Variants in CTNNA3 observed in about 807,000 individuals in gnomAD.
CTNNA3 encodes catenin alpha 3, also known as catenin alpha-3.
A neutral mutation model predicts 95.7 loss-of-function variants in CTNNA3; 76 were observed. That is an observed-to-expected ratio of 0.79 (90% CI 0.66 to 0.96). CTNNA3 has a LOEUF of 0.96. Among genes scored for constraint, CTNNA3 ranks in the 40% least tolerant of loss-of-function variants. CTNNA3 has a pLI of 0.00. For synonymous variants in CTNNA3, 431 were observed against 374.4 expected (o/e 1.15, Z -1.74); for missense variants, 1,191 against 1,089.8 (o/e 1.09, Z -1.31).
intron 15 of CTNNA3, among the ~76,000 whole-genome samples, chr10:66,003,167 T>C (rs556292120): frequency 6.6e-6 from 1 of 152,342 alleles, no homozygotes; most frequent in Non-Finnish European, 1.5e-5. Context: ...AAAAATTACA[T>C]GAATTCTACT....
intron 7 of CTNNA3, among the ~76,000 whole-genome samples, chr10:67,081,724 T>C (rs1259226348): frequency 6.6e-6 from 1 of 152,194 alleles, no homozygotes; most frequent in Non-Finnish European, 1.5e-5. Flanking sequence ...CTCATGCCTC[T>C]GCACTTCTGC....
intron 17 of CTNNA3, among the ~76,000 whole-genome samples, chr10:65,930,238 G>A (rs1440838024): frequency 1.4e-5 from 2 of 142,282 alleles, no homozygotes; most frequent in Non-Finnish European, 3.0e-5. Context: ...AGAAACTACT[G>A]TAGGTGCTTC....
chr10:66,309,547 G>A (rs895811667), intron 12 of CTNNA3, among the ~76,000 whole-genome samples: 10 of 151,568 alleles, frequency 6.6e-5, no homozygotes, highest in Admixed American at 3.3e-4. Flanking sequence ...AATAATAGCC[G>A]GGCATGGTGG....
intron 11 of CTNNA3, among the ~76,000 whole-genome samples, chr10:66,405,608 A>G (rs2093051193): frequency 6.6e-6 from 1 of 152,126 alleles, no homozygotes; most frequent in Non-Finnish European, 1.5e-5. Context: ...ACTTGAAACC[A>G]CAAAAACATC....
chr10:67,159,386 C>T (rs187604713), intron 7 of CTNNA3, among the ~76,000 whole-genome samples: 23 of 152,244 alleles, frequency 1.5e-4, no homozygotes, highest in African/African-American at 5.5e-4. Flanking sequence ...GCGGCTCGTC[C>T]TGCTACAAAG....
rs1211185317 is a variant in CTNNA3 at position 66,199,799 on chromosome 10, A to T, written c.1884+80671T>A. Among the ~76,000 whole-genome samples, 10 of 13,834 alleles carry T rather than the reference A, an allele frequency of 7.2e-4. 1 individual carries two copies. Among genetic ancestry groups the T allele is most frequent in the South Asian group, 4.9e-3 (1 of 204 alleles). 9.1% of individuals were successfully genotyped at this position (13,834 alleles called of 152,430 possible). On this transcript the variant is annotated intron_variant, in intron 13 of 17. Coordinates refer to ENST00000433211, the MANE Select transcript of CTNNA3 (RefSeq NM_013266.4). ...TATATATATATATATATATATATATATATATATTTTTTTTTTTTTTTTTTT... is the reference window on the plus strand; with the variant it reads ...TATATATATATATATATATATATATTTATATATTTTTTTTTTTTTTTTTTT...
At chr10:66,233,857 A>T (rs1198638746) in intron 13 of CTNNA3, among the ~76,000 whole-genome samples, 1 of 152,222 alleles carries the variant, frequency 6.6e-6, no homozygotes, top group Non-Finnish European at 1.5e-5. Flanking sequence ...ATGTATAAGA[A>T]TGTTCATAGC....
chr10:66,895,914 C>CAAAA (rs869248195), intron 7 of CTNNA3, among the ~76,000 whole-genome samples: 29 of 79,980 alleles, frequency 3.6e-4, no homozygotes, highest in African/African-American at 4.8e-4. Flanking sequence ...CCTGTCTCTA[C>CAAAA]AAAAAAAAAA....
At chr10:67,070,198 T>C (rs1440264593) in intron 7 of CTNNA3, among the ~76,000 whole-genome samples, 1 of 152,244 alleles carries the variant, frequency 6.6e-6, no homozygotes, top group Non-Finnish European at 1.5e-5. Flanking sequence ...GGATATCCTC[T>C]TATGTGAAGT....
At chr10:66,902,833 A>C (rs1845812665) in intron 7 of CTNNA3, among the ~76,000 whole-genome samples, 1 of 152,340 alleles carries the variant, frequency 6.6e-6, no homozygotes, top group South Asian at 2.1e-4. Context: ...ACTAGGAAGA[A>C]GTTAAATCTC....
intron 5 of CTNNA3, among the ~76,000 whole-genome samples, chr10:67,443,979 T>C (rs542706878): frequency 5.3e-5 from 8 of 152,214 alleles, no homozygotes; most frequent in Non-Finnish European, 8.8e-5. Context: ...CATTTCAGAA[T>C]TGGACAGATC....
chr10:66,248,138 CATTT>C (rs1210310849), intron 13 of CTNNA3, among the ~76,000 whole-genome samples: 3 of 151,894 alleles, frequency 2.0e-5, no homozygotes, highest in Non-Finnish European at 4.4e-5. Context: ...GTTTTTTTCT[CATTT>C]GTTTGTTTAT....
intron 7 of CTNNA3, chr10:66,926,444 C>T: frequency 1.2e-6 from 1 of 868,940 alleles, no homozygotes; most frequent in South Asian, 1.5e-5. Flanking sequence ...AAAATCGGTC[C>T]ATCTCCCAAG....
chr10:67,057,546 T>TGTGTC (rs1855513445), intron 7 of CTNNA3, among the ~76,000 whole-genome samples: 2 of 152,292 alleles, frequency 1.3e-5, no homozygotes, highest in Admixed American at 1.3e-4. Context: ...CTTATTTCAC[T>TGTGTC]TAGTATAATG....
intron 15 of CTNNA3, among the ~76,000 whole-genome samples, chr10:66,024,311 G>A (rs11599355): frequency 6.6e-6 from 1 of 151,858 alleles, no homozygotes; most frequent in East Asian, 1.9e-4. Flanking sequence ...GGATGGTCTC[G>A]ATCTCCTGAC....
intron 12 of CTNNA3, among the ~76,000 whole-genome samples, chr10:66,283,655 T>C (rs552183339): frequency 5.3e-4 from 80 of 152,008 alleles, no homozygotes; most frequent in Non-Finnish European, 9.1e-4. Flanking sequence ...AGCAAATGTT[T>C]AATTTCTGAA....
intron 10 of CTNNA3, among the ~76,000 whole-genome samples, chr10:66,604,965 G>A (rs916617268): frequency 5.3e-5 from 8 of 152,054 alleles, no homozygotes; most frequent in East Asian, 1.9e-4. Context: ...CTGAGATGGC[G>A]GAAATGACAG....
chr10:65,932,090 G>A (rs2133146717), intron 17 of CTNNA3, among the ~76,000 whole-genome samples: 1 of 152,296 alleles, frequency 6.6e-6, no homozygotes, highest in African/African-American at 2.4e-5. Context: ...GGGAAGTAGA[G>A]CTGAGGGGTT....
chr10:66,107,110 G>T (rs2081944273), intron 13 of CTNNA3, among the ~76,000 whole-genome samples: 1 of 152,152 alleles, frequency 6.6e-6, no homozygotes, highest in African/African-American at 2.4e-5. Context: ...TCTCAGGGAT[G>T]ATGGAAATAA....
Sources: gnomAD v4.1 joint callset for allele counts (sites outside exome capture counted in the v4.1 genomes callset) on GRCh38, gnomAD v4.1.1 for gene constraint, MANE v1.5 for transcripts, NCBI Gene and HGNC (gene_info 2026-07-23, HGNC 2026-07-21) for gene names.